The following DAB1 variants were observed in gnomAD, a reference collection of about 807,000 sequenced individuals.
DAB1 encodes disabled homolog 1.
In DAB1, 15 loss-of-function variants were observed where a neutral mutation model predicts 64.6. The ratio of observed to expected loss-of-function variants is 0.23; its 90% CI spans 0.16 to 0.36. The LOEUF is 0.36. DAB1 is among the 10% of genes least tolerant of loss of function. The probability of loss-of-function intolerance (pLI) is 1.00; values close to 1 mark genes in which losing one functional copy is unlikely to be tolerated. For missense variants in DAB1, 596 were observed against 706.7 expected (o/e 0.84, Z 1.78); for synonymous variants, 235 against 251.9 (o/e 0.93, Z 0.64).
At chr1:57,589,683 G>A (rs1461998979) in intron 7 of DAB1, among the ~76,000 whole-genome samples, 1 of 152,110 alleles carries the variant, frequency 6.6e-6, no homozygotes, top group African/African-American at 2.4e-5. Flanking sequence ...CTTGAATCCA[G>A]GAGGGGGAGG....
intron 4 of DAB1, among the ~76,000 whole-genome samples, chr1:57,133,235 A>C (rs1278432309): frequency 6.6e-6 from 1 of 152,204 alleles, no homozygotes; most frequent in Non-Finnish European, 1.5e-5. Flanking sequence ...TCATCCTAAG[A>C]AACAGACTTA....
At chr1:57,637,093 C>T (rs1038961094) in intron 7 of DAB1, among the ~76,000 whole-genome samples, 3 of 152,022 alleles carry the variant, frequency 2.0e-5, no homozygotes, top group Non-Finnish European at 2.9e-5. Context: ...TTGTGCTTTA[C>T]TAATATTTCA....
intron 7 of DAB1, among the ~76,000 whole-genome samples, chr1:57,624,740 C>T (rs61769634): frequency 0.025 from 3,831 of 152,176 alleles, 107 homozygotes; most frequent in African/African-American, 0.067. Context: ...CCAAAAAAAC[C>T]TTCAAAATTA....
intron 4 of DAB1, among the ~76,000 whole-genome samples, chr1:58,314,215 T>C (rs1328306017): frequency 1.3e-5 from 2 of 152,122 alleles, no homozygotes; most frequent in African/African-American, 4.8e-5. Flanking sequence ...CTTTGTCTCA[T>C]GCCCATACAA....
chr1:57,244,942 T>C (rs975094696), intron 2 of DAB1, among the ~76,000 whole-genome samples: 1 of 152,184 alleles, frequency 6.6e-6, no homozygotes, highest in South Asian at 2.1e-4. Flanking sequence ...ACGGTACTGG[T>C]AGGAGGTGAT....
chr1:57,544,457 G>C (rs17115971), intron 7 of DAB1, among the ~76,000 whole-genome samples: 3,360 of 152,210 alleles, frequency 0.022, 136 homozygotes, highest in African/African-American at 0.077. Context: ...GTTGTCTAAG[G>C]CCTCTGTACT....
rs547377584 is a variant in DAB1 at position 57,265,296 on chromosome 1, C to T, written c.67+25668G>A. ...ATGCGCCTGAGATGTGCAGGATGTG[C>T]GTTCTTGTGTGGAAGCCTGTAAAAT... On this transcript the variant is annotated intron_variant, in intron 2 of 14. Coordinates refer to ENST00000371236, the MANE Select transcript of DAB1 (RefSeq NM_001365792.1). Among the ~76,000 whole-genome samples the T allele has an allele frequency of 6.6e-5, 10 of 152,266 alleles. No homozygotes were observed. In the South Asian group the frequency reaches 1.5e-3, roughly 22 times the overall value.
At chr1:57,393,617 A>G (rs1682568301) in intron 1 of DAB1, among the ~76,000 whole-genome samples, 1 of 152,178 alleles carries the variant, frequency 6.6e-6, no homozygotes, top group Admixed American at 6.5e-5. Flanking sequence ...GCAGTGAGCC[A>G]TGATCGTATT....
chr1:58,309,685 G>C lies in DAB1; in HGVS notation n.309+33667C>G, dbSNP rs551625421. ...TGAGTGAATCTTGGAATGGGGTAAA[G>C]TGAAAATTACCCTGCAATGGCCTTC... On this transcript the variant is annotated intron_variant and non_coding_transcript_variant, in intron 4 of 20. Coordinates refer to the DAB1 transcript ENST00000485760. 8.5e-5 allele frequency among the ~76,000 whole-genome samples: 13 copies of C among 152,284 alleles called. 1 individual carries two copies. The South Asian group carries it at 2.7e-3, about 32-fold the overall frequency.
chr1:58,218,835 C>G (rs1042583396), intron 4 of DAB1, among the ~76,000 whole-genome samples: 1 of 152,194 alleles, frequency 6.6e-6, no homozygotes, highest in African/African-American at 2.4e-5. Context: ...TCCTGAGACA[C>G]ACATCCACAC....
chr1:58,412,185 T>G (rs1193393634), intron 3 of DAB1, among the ~76,000 whole-genome samples: 1 of 152,146 alleles, frequency 6.6e-6, no homozygotes, highest in Non-Finnish European at 1.5e-5. Flanking sequence ...TGCCAGACTG[T>G]CTTTCCAGCC....
chr1:58,097,549 A>T (rs1166929386), intron 5 of DAB1, among the ~76,000 whole-genome samples: 1 of 151,824 alleles, frequency 6.6e-6, no homozygotes, highest in Admixed American at 6.6e-5. Context: ...GGGGAAGAAG[A>T]GTTGGCATGG....
chr1:58,317,251 C>T (rs1662577579), intron 4 of DAB1, among the ~76,000 whole-genome samples: 2 of 152,250 alleles, frequency 1.3e-5, no homozygotes, highest in South Asian at 2.1e-4. Flanking sequence ...CTCACCCGCT[C>T]TGTGCTCCCT....
chr1:58,524,228 G>T (rs1046592651), intron 2 of DAB1, among the ~76,000 whole-genome samples: 8 of 152,132 alleles, frequency 5.3e-5, no homozygotes, highest in African/African-American at 1.9e-4. Flanking sequence ...ACTTTCATCT[G>T]CATTAAAAAC....
At chr1:57,706,686 T>A (rs1303292266) in intron 6 of DAB1, among the ~76,000 whole-genome samples, 2 of 152,156 alleles carry the variant, frequency 1.3e-5, no homozygotes, top group Non-Finnish European at 2.9e-5. Context: ...CCAATGGTTA[T>A]ATCCTACCCC....
At chr1:57,327,064 G>A (rs758567443) in intron 1 of DAB1, among the ~76,000 whole-genome samples, 1 of 152,092 alleles carries the variant, frequency 6.6e-6, no homozygotes, top group South Asian at 2.1e-4. Context: ...TCAGCCCCCT[G>A]AGTATCTGGG....
chr1:57,916,187 C>T (rs1280414710), intron 5 of DAB1, among the ~76,000 whole-genome samples: 1 of 152,186 alleles, frequency 6.6e-6, no homozygotes, highest in Admixed American at 6.5e-5. Flanking sequence ...GGCTGTAACA[C>T]AGCCAAACCA....
intron 7 of DAB1, among the ~76,000 whole-genome samples, chr1:57,587,838 T>C (rs1645398660): frequency 6.6e-6 from 1 of 152,210 alleles, no homozygotes; most frequent in Non-Finnish European, 1.5e-5. Flanking sequence ...TCAGTCATAC[T>C]AGGAGTTGGC....
intron 6 of DAB1, among the ~76,000 whole-genome samples, chr1:57,750,360 A>T (rs1391709709): frequency 1.3e-5 from 2 of 152,108 alleles, no homozygotes; most frequent in East Asian, 3.9e-4. Flanking sequence ...TTTGTTACAG[A>T]CATTTTGATG....
Sources: allele counts gnomAD v4.1 joint callset (sites outside exome capture counted in the v4.1 genomes callset), GRCh38; gene constraint gnomAD v4.1.1; transcripts MANE v1.5; gene names NCBI Gene and HGNC (gene_info 2026-07-23, HGNC 2026-07-21).